PARD3B: variants seen among roughly 807,000 people sequenced by gnomAD.
The protein encoded by PARD3B is partitioning defective 3 homolog B.
Under a neutral mutation model 130.2 loss-of-function variants are expected in PARD3B, and 103 were observed. The ratio of observed to expected loss-of-function variants is 0.79; its 90% confidence interval spans 0.67 to 0.93. PARD3B has a LOEUF of 0.93. PARD3B is among the 40% of genes least tolerant of loss of function. PARD3B has a pLI of 0.00. For missense variants in PARD3B, 1,609 were observed against 1,499.2 expected (o/e 1.07, Z -1.21); for synonymous variants, 583 against 553.2 (o/e 1.05, Z -0.76).
chr2:204,687,672 A>G (rs13387065), intron 2 of PARD3B, among the ~76,000 whole-genome samples: 2,219 of 152,306 alleles, frequency 0.015, 42 homozygotes, highest in African/African-American at 0.05. Context: ...ATTAACCTTC[A>G]GAACCCTGAA....
intron 19 of PARD3B, among the ~76,000 whole-genome samples, chr2:205,431,401 A>C (rs2047327909): frequency 6.6e-6 from 1 of 152,098 alleles, no homozygotes; most frequent in Admixed American, 6.5e-5. Flanking sequence ...TATTGAATAC[A>C]GAAATGAAAC....
chr2:205,368,865 A>G (rs79188144), intron 18 of PARD3B, among the ~76,000 whole-genome samples: 1 of 151,122 alleles, frequency 6.6e-6, no homozygotes, highest in African/African-American at 2.4e-5. Context: ...GAAAACAAAA[A>G]AAAAAAAAAC....
rs536286298 is a variant in PARD3B, at chr2:205,525,080, G to A, written c.3180+25049G>A. Among the ~76,000 whole-genome samples the A allele has an allele frequency of 1.8e-4, 27 of 152,306 alleles. No homozygotes were observed. Among genetic ancestry groups the A allele is most frequent in the Non-Finnish European group, 3.2e-4 (22 of 68,024 alleles). ...TGGCAAGAACCAGGACAGTTTTATT[G>A]CCTCACAAAGGCTATTTTCTTAGCT... On this transcript the variant is annotated intron_variant, in intron 21 of 22. Coordinates refer to ENST00000406610, the MANE Select transcript of PARD3B (RefSeq NM_001302769.2). This position sits in a 1 kb window ranked among gnomAD's most constrained non-coding sequence, Gnocchi z 4.2.
At chr2:205,095,182 C>T (rs547352829) in intron 4 of PARD3B, among the ~76,000 whole-genome samples, 14 of 151,984 alleles carry the variant, frequency 9.2e-5, no homozygotes, top group Admixed American at 3.9e-4. Context: ...CTTTGTGTAT[C>T]GAAGCACTGG....
At chr2:205,212,998 A>G (rs1196801432) in intron 15 of PARD3B, among the ~76,000 whole-genome samples, 2 of 152,156 alleles carry the variant, frequency 1.3e-5, no homozygotes, top group Non-Finnish European at 2.9e-5. Context: ...GTTGACTTAT[A>G]TAAGATATCT....
chr2:204,964,853 G>A (rs1691087330), intron 2 of PARD3B, among the ~76,000 whole-genome samples: 1 of 152,144 alleles, frequency 6.6e-6, no homozygotes, highest in Non-Finnish European at 1.5e-5. Context: ...GGAAGGTGGG[G>A]TAGTGGGAAG....
chr2:204,604,099 G>A (rs886270746), intron 1 of PARD3B, among the ~76,000 whole-genome samples: 4 of 152,260 alleles, frequency 2.6e-5, no homozygotes, highest in African/African-American at 7.2e-5. Flanking sequence ...CTGTGGAGGC[G>A]ATTACATTTG....
At chr2:204,934,047 A>G (rs563539317) in intron 2 of PARD3B, among the ~76,000 whole-genome samples, 1 of 152,346 alleles carries the variant, frequency 6.6e-6, no homozygotes, top group South Asian at 2.1e-4. Flanking sequence ...GGGAGGCTTA[A>G]GTGTAACCAG....
At chr2:204,549,591 T>G (rs957549498) in intron 1 of PARD3B, among the ~76,000 whole-genome samples, 9 of 152,168 alleles carry the variant, frequency 5.9e-5, no homozygotes, top group South Asian at 4.1e-4. Flanking sequence ...GGCATAGGTA[T>G]TTTAAAAAGC....
At chr2:204,725,225 G>A (rs531034640) in intron 2 of PARD3B, among the ~76,000 whole-genome samples, 10 of 152,210 alleles carry the variant, frequency 6.6e-5, no homozygotes, top group African/African-American at 1.7e-4. Context: ...TTTATATGAC[G>A]TAAAAGGTAG....
At chr2:205,429,761 T>C (rs926831312) in intron 19 of PARD3B, among the ~76,000 whole-genome samples, 1 of 152,222 alleles carries the variant, frequency 6.6e-6, no homozygotes, top group African/African-American at 2.4e-5. Context: ...TACCATCAAC[T>C]TGGTGCCTTT....
chr2:205,135,719 G>A (rs1333517829), intron 10 of PARD3B, among the ~76,000 whole-genome samples: 1 of 152,072 alleles, frequency 6.6e-6, no homozygotes. Flanking sequence ...TTTAATGAGT[G>A]TGCAGAACAT....
At chr2:204,837,679 T>C (rs993195423) in intron 2 of PARD3B, among the ~76,000 whole-genome samples, 1 of 152,180 alleles carries the variant, frequency 6.6e-6, no homozygotes, top group Non-Finnish European at 1.5e-5. Context: ...GAGACCCTGC[T>C]GATGTCTGAT....
At chr2:205,032,331 A>G (rs1407994463) in intron 3 of PARD3B, among the ~76,000 whole-genome samples, 1 of 152,076 alleles carries the variant, frequency 6.6e-6, no homozygotes, top group Non-Finnish European at 1.5e-5. Flanking sequence ...CATGGATTAG[A>G]TTTCAGTTAT....
At position 204,830,732 on chromosome 2, in the gene PARD3B, A is replaced by G. The variant is rs1023703205; in HGVS notation, c.223-134420A>G. Among the ~76,000 whole-genome samples the G allele has an allele frequency of 3.9e-5, 6 of 152,318 alleles. No individual in the cohort carries two copies. In the East Asian group the frequency reaches 9.7e-4, roughly 25 times the overall value. Reference sequence around the variant, plus strand: ...TGACGTGGGAATGAGACCAGTTCCTATGATAACAGCTGTCCAGCTTGGAGG... The same window carrying G: ...TGACGTGGGAATGAGACCAGTTCCTGTGATAACAGCTGTCCAGCTTGGAGG... On this transcript the variant is annotated intron_variant, in intron 2 of 22. Coordinates refer to ENST00000406610, the MANE Select transcript of PARD3B (RefSeq NM_001302769.2).
intron 15 of PARD3B, among the ~76,000 whole-genome samples, chr2:205,202,102 A>C (rs538653874): frequency 6.0e-4 from 92 of 152,272 alleles, no homozygotes; most frequent in African/African-American, 2.1e-3. Flanking sequence ...AACATTAAGA[A>C]AACCAACATT....
Position 204,916,644 on chromosome 2 carries a change from GT to G in PARD3B, c.223-48499del, listed in dbSNP as rs201293227. Among the ~76,000 whole-genome samples the G allele has an allele frequency of 6.3e-3, 956 of 151,378 alleles. 11 individuals are homozygous for G. The highest frequency in any genetic ancestry group is 0.02 in the African/African-American group (840 of 41,320). ...AATATTTTCATTGTCTAAAGATGTA[GT>G]TTTTTTTTATGATAAAAAAGATTCA... On this transcript the variant is annotated intron_variant, in intron 2 of 22. Coordinates refer to ENST00000406610, the MANE Select transcript of PARD3B (RefSeq NM_001302769.2).
chr2:204,873,809 A>G (rs1343319265), intron 2 of PARD3B, among the ~76,000 whole-genome samples: 2 of 152,152 alleles, frequency 1.3e-5, no homozygotes, highest in Non-Finnish European at 2.9e-5. Context: ...GTGAGAGAAG[A>G]GGCAGGCTAA....
chr2:205,273,904 C>T (rs2105808419), intron 16 of PARD3B, among the ~76,000 whole-genome samples: 2 of 152,252 alleles, frequency 1.3e-5, no homozygotes, highest in South Asian at 4.1e-4. Context: ...GGTTGTACAG[C>T]TCTGTGGTGG....
Sources: gnomAD v4.1 joint callset for allele counts (sites outside exome capture counted in the v4.1 genomes callset) on GRCh38, gnomAD v4.1.1 for gene constraint, Gnocchi (gnomAD v3.1) non-coding constraint, MANE v1.5 for transcripts, NCBI Gene and HGNC (gene_info 2026-07-23, HGNC 2026-07-21) for gene names.